Variants in TACC1 observed in about 807,000 individuals in gnomAD.
The protein encoded by TACC1 is transforming acidic coiled-coil-containing protein 1.
A neutral mutation model predicts 84.4 loss-of-function variants in TACC1; 48 were observed. The ratio of observed to expected loss-of-function variants is 0.57; its 90% CI spans 0.45 to 0.72. TACC1 has a LOEUF of 0.72. Among genes scored for constraint, TACC1 ranks in the 30% least tolerant of loss-of-function variants. The pLI, the probability that TACC1 is intolerant of heterozygous loss-of-function variation, is 0.00. For missense variants in TACC1, 920 were observed against 973.0 expected, an observed-to-expected ratio of 0.95 and a Z score of 0.72; for synonymous variants, 372 against 376.3, an observed-to-expected ratio of 0.99 and a Z score of 0.13.
intron 2 of TACC1, among the ~76,000 whole-genome samples, chr8:38,793,546 A>T (rs1258071456): frequency 6.6e-6 from 1 of 152,128 alleles, no homozygotes; most frequent in Non-Finnish European, 1.5e-5. Flanking sequence ...ATTATATCTC[A>T]ATAAAGTAGT....
intron 1 of TACC1, among the ~76,000 whole-genome samples, chr8:38,729,415 C>G (rs1381694667): frequency 6.6e-6 from 1 of 152,188 alleles, no homozygotes; most frequent in Non-Finnish European, 1.5e-5. Context: ...GTGAGGGACA[C>G]CCGGCAGTCG....
intron 1 of TACC1, among the ~76,000 whole-genome samples, chr8:38,731,737 AAACAACAAC>A (rs56770897): frequency 1.3e-3 from 167 of 133,144 alleles, no homozygotes; most frequent in Non-Finnish European, 1.7e-3. Context: ...ATAAAACTGA[AAACAACAAC>A]AACAACAACA....
intron 2 of TACC1, among the ~76,000 whole-genome samples, chr8:38,811,064 G>A (rs1034323249): frequency 6.6e-6 from 1 of 151,732 alleles, no homozygotes; most frequent in Non-Finnish European, 1.5e-5. Context: ...ATTGGAGTGA[G>A]CCGGGATCAC....
rs1832879165 is a variant in TACC1 at position 38,850,008 on chromosome 8, T to A, written c.*1985T>A. The A allele has an allele frequency of 6.5e-6, 1 of 152,702 alleles. No individual in the cohort carries two copies. The highest frequency in any genetic ancestry group is 2.1e-4 in the South Asian group (1 of 4,834). 9.5% of individuals were successfully genotyped at this position (152,702 alleles called of 1,614,324 possible). The stretch of plus-strand genomic sequence containing the variant: ...TGTGTTTTGGTGTTTTCATGTTTAC[T>A]TGTTTTATATTGATCTGTTTTAAGT... On this transcript the variant is annotated 3_prime_UTR_variant, in exon 13 of 13. Coordinates refer to ENST00000317827, the MANE Select transcript of TACC1 (RefSeq NM_006283.3).
chr8:38,740,470 G>A (rs1563749959), intron 1 of TACC1, among the ~76,000 whole-genome samples: 2 of 152,158 alleles, frequency 1.3e-5, no homozygotes, highest in Non-Finnish European at 2.9e-5. Context: ...AAATGTGGCT[G>A]TCTGCACCTT....
In TACC1 at chr8:38,850,943, CA is replaced by C. The variant is rs1833004406; in HGVS notation, c.*2921del. 1 of 152,438 alleles carries C rather than the reference CA, an allele frequency of 6.6e-6. No individual in the cohort carries two copies. The highest frequency in any genetic ancestry group is 2.4e-5 in the African/African-American group (1 of 41,366). 9.4% of individuals were successfully genotyped at this position (152,438 alleles called of 1,614,324 possible). The stretch of plus-strand genomic sequence containing the variant: ...CAAAGTGTAGATAGCCTTTATCCAG[CA>C]GTATTTTAAGTGGGGAATGCAACGT... On this transcript the variant is annotated 3_prime_UTR_variant, in exon 13 of 13. Coordinates refer to ENST00000317827, the MANE Select transcript of TACC1 (RefSeq NM_006283.3).
intron 3 of TACC1, chr8:38,757,354 A>G (rs1277840672): frequency 4.7e-6 from 6 of 1,264,884 alleles, no homozygotes; most frequent in Non-Finnish European, 6.1e-6. Context: ...CCACTCTCAG[A>G]CCCCGAGGGG....
In TACC1 at chr8:38,820,590, A is replaced by T; in HGVS notation, c.1346A>T (p.Asn449Ile). 1.2e-6 allele frequency: 2 copies of T among 1,612,706 alleles called. No individual in the cohort carries two copies. Among genetic ancestry groups the T allele is most frequent in the Non-Finnish European group, 1.7e-6 (2 of 1,180,008 alleles). Residue 449 changes from asparagine (N) to isoleucine (I), a missense_variant, in exon 3 of 13, where the codon AAT (asparagine) becomes ATT (isoleucine). By Grantham distance (149) the Asn-to-Ile change is moderately radical. This residue lies in a region of TACC1 where 762 missense variants were observed against 747.3 expected (regional missense o/e 1.02). Transcript: ENST00000317827. ...TGTTCTCCCACTGGTAATCACGTTAATGAAATCTTAGAATCACCCAAGAAG... is the reference window on the plus strand; with the variant it reads ...TGTTCTCCCACTGGTAATCACGTTATTGAAATCTTAGAATCACCCAAGAAG... Reference protein sequence around the residue: ...DFCSPTGNHVNEILESPKKAK... With the variant: ...DFCSPTGNHVIEILESPKKAK...
chr8:38,848,089 G>A lies in TACC1; in HGVS notation c.*66G>A. The A allele has an allele frequency of 6.9e-7, 1 of 1,458,016 alleles. No homozygotes were observed. Among genetic ancestry groups the A allele is most frequent in the Non-Finnish European group, 9.4e-7 (1 of 1,060,186 alleles). The allele number at this position is 1,458,016 out of a possible 1,614,324, so 90.3% of individuals were successfully genotyped here. A position where few individuals can be genotyped will look rare whatever the true frequency, so the allele number is the denominator to read the frequency against. On this transcript the variant is annotated 3_prime_UTR_variant, in exon 13 of 13. Coordinates refer to ENST00000317827, the MANE Select transcript of TACC1 (RefSeq NM_006283.3). ...CTTCTCTTGTGACCACAATTATCTT[G>A]CCTTATCCAGGAATAATTGCCCCTT...
intron 3 of TACC1, among the ~76,000 whole-genome samples, chr8:38,753,132 C>G (rs1313672722): frequency 6.6e-6 from 1 of 152,160 alleles, no homozygotes; most frequent in African/African-American, 2.4e-5. Context: ...CAGACTATCG[C>G]TGTGTCGCCC....
chr8:38,845,976 C>T (rs1268746203), intron 11 of TACC1, among the ~76,000 whole-genome samples: 4 of 152,068 alleles, frequency 2.6e-5, no homozygotes, highest in Admixed American at 1.3e-4. Context: ...GGCTGTTCAT[C>T]AACTGACATT....
intron 3 of TACC1, among the ~76,000 whole-genome samples, chr8:38,760,381 T>C (rs143788417): frequency 6.6e-6 from 1 of 152,320 alleles, no homozygotes; most frequent in Non-Finnish European, 1.5e-5. Flanking sequence ...AGGAAGGTGA[T>C]TAAGAGCAGA....
intron 1 of TACC1, among the ~76,000 whole-genome samples, chr8:38,735,525 T>G (rs1805800496): frequency 6.6e-6 from 1 of 152,104 alleles, no homozygotes; most frequent in Non-Finnish European, 1.5e-5. Context: ...GAGGATTTAG[T>G]CCACTTCTTC....
chr8:38,755,983 T>G (rs992475403), intron 3 of TACC1, among the ~76,000 whole-genome samples: 29 of 151,414 alleles, frequency 1.9e-4, no homozygotes, highest in Non-Finnish European at 8.8e-5. Context: ...CCCGGCTAAT[T>G]TTTGTATTTT....
intron 3 of TACC1, among the ~76,000 whole-genome samples, chr8:38,771,062 C>T (rs1277457371): frequency 6.6e-6 from 1 of 152,158 alleles, no homozygotes; most frequent in East Asian, 1.9e-4. Flanking sequence ...TGGAAATGCC[C>T]ACCTTGCTGG....
intron 3 of TACC1, among the ~76,000 whole-genome samples, chr8:38,761,734 A>C (rs1256724519): frequency 6.6e-6 from 1 of 152,266 alleles, no homozygotes; most frequent in Admixed American, 6.5e-5. Flanking sequence ...AAAGCATGTC[A>C]GTTCCCATTT....
intron 3 of TACC1, among the ~76,000 whole-genome samples, chr8:38,781,315 C>T (rs1293525781): frequency 6.6e-5 from 10 of 151,466 alleles, no homozygotes; most frequent in African/African-American, 1.9e-4. Flanking sequence ...TTGTTTAGGA[C>T]ATTTATTTTA....
chr8:38,761,734 A>G (rs1256724519), intron 3 of TACC1, among the ~76,000 whole-genome samples: 4 of 152,266 alleles, frequency 2.6e-5, no homozygotes, highest in Non-Finnish European at 5.9e-5. Context: ...AAAGCATGTC[A>G]GTTCCCATTT....
intron 2 of TACC1, among the ~76,000 whole-genome samples, chr8:38,806,450 GTGTGTGTGTGTA>G: frequency 6.6e-6 from 1 of 151,804 alleles, no homozygotes; most frequent in Non-Finnish European, 1.5e-5. Flanking sequence ...TGGTCTGCCT[GTGTGTGTGTGTA>G]TGTGTGTGTG....
Sources: allele counts gnomAD v4.1 joint callset (sites outside exome capture counted in the v4.1 genomes callset), GRCh38; gene constraint gnomAD v4.1.1; regional missense constraint gnomAD v4.1.1; transcripts MANE v1.5; gene names NCBI Gene and HGNC (gene_info 2026-07-23, HGNC 2026-07-21).